Variants in SEMA3D observed in about 807,000 individuals in gnomAD.
SEMA3D encodes the protein semaphorin 3D.
A neutral mutation model predicts 100.1 loss-of-function variants in SEMA3D; 84 were observed. The observed-to-expected ratio is 0.84, with a 90% CI of 0.70 to 1.01. The LOEUF (loss-of-function observed/expected upper bound fraction) is 1.01. Among genes scored for constraint, SEMA3D ranks in the 50% least tolerant of loss-of-function variants. The pLI is 0.00. For synonymous variants in SEMA3D, 312 were observed against 320.7 expected (o/e 0.97, Z 0.29); for missense variants, 875 against 934.1 (o/e 0.94, Z 0.82).
rs773715972 is a variant in SEMA3D, at chr7:85,022,563, T to C, written c.1242A>G (p.Pro414=). 3 of 1,612,590 alleles carry C rather than the reference T, an allele frequency of 1.9e-6. No homozygotes were observed. In the South Asian group the frequency reaches 3.3e-5, roughly 18 times the overall value. ...DPLIKSTRDF[P]DDVISFIKRH... is the part of the protein sequence containing the mutation. ...GCTTTATGAAACTGATGACATCATC[T>C]GGAAAATCTCGGGTGGACTTAATCA... The change falls in exon 13 of 19, where the codon CCA becomes CCG. Residue 414 remains proline, a synonymous_variant. Coordinates refer to ENST00000284136, the MANE Select transcript of SEMA3D (RefSeq NM_001384900.1).
intron 11 of SEMA3D, among the ~76,000 whole-genome samples, chr7:85,040,218 C>CTGGG (rs1188655885): frequency 2.0e-5 from 3 of 151,828 alleles, no homozygotes; most frequent in Non-Finnish European, 4.4e-5. Flanking sequence ...GGGCTCAAGC[C>CTGGG]ATCCTCCCCT....
At chr7:85,014,308 T>C (rs977145209) in intron 16 of SEMA3D, among the ~76,000 whole-genome samples, 1 of 151,864 alleles carries the variant, frequency 6.6e-6, no homozygotes, top group Non-Finnish European at 1.5e-5. Context: ...ATCAACATTT[T>C]AAAATAATTA....
At chr7:85,216,357 T>TTG in the SEMA3D span, among the ~76,000 whole-genome samples, 72,799 of 146,048 alleles carry the variant, frequency 0.5, 18,312 homozygotes, top group East Asian at 0.6. Context: ...AATAAGAGTG[T>TTG]TGTGTGTGTG....
chr7:85,034,090 C>G (rs1790624193), intron 12 of SEMA3D, among the ~76,000 whole-genome samples: 2 of 152,022 alleles, frequency 1.3e-5, no homozygotes, highest in South Asian at 4.2e-4. Context: ...GGGCAAGTTA[C>G]TGTACCTGTC....
intron 18 of SEMA3D, among the ~76,000 whole-genome samples, chr7:85,000,219 T>C (rs1257080842): frequency 1.3e-5 from 2 of 152,152 alleles, no homozygotes; most frequent in African/African-American, 4.8e-5. Flanking sequence ...AGAGATTTCA[T>C]ATACAAATTA....
At chr7:85,203,300 T>G in the SEMA3D span, among the ~76,000 whole-genome samples, 1 of 152,214 alleles carries the variant, frequency 6.6e-6, no homozygotes, top group Non-Finnish European at 1.5e-5. Context: ...TGTTATATGC[T>G]TAGCTGCATG....
At chr7:85,096,178 G>T (rs977339696) in intron 4 of SEMA3D, among the ~76,000 whole-genome samples, 1 of 151,722 alleles carries the variant, frequency 6.6e-6, no homozygotes, top group Non-Finnish European at 1.5e-5. Flanking sequence ...CATAAAACAC[G>T]TCATCCCCTG....
At chr7:85,058,923 A>C (rs1329662002) in intron 8 of SEMA3D, among the ~76,000 whole-genome samples, 1 of 152,158 alleles carries the variant, frequency 6.6e-6, no homozygotes, top group Non-Finnish European at 1.5e-5. Flanking sequence ...AAAAGAATGA[A>C]TAAGAACTGA....
At chr7:85,116,967 A>G (rs908751685) in intron 3 of SEMA3D, among the ~76,000 whole-genome samples, 1 of 152,182 alleles carries the variant, frequency 6.6e-6, no homozygotes, top group African/African-American at 2.4e-5. Context: ...CCCATGCCAC[A>G]GTTCCTTACA....
rs373035599 is a variant in SEMA3D at position 85,117,710 on chromosome 7, C to G, written c.151+4031G>C. Among the ~76,000 whole-genome samples the G allele has an allele frequency of 2.6e-4, 40 of 152,032 alleles. No individual in the cohort carries two copies. In the East Asian group the frequency reaches 2.9e-3, roughly 11 times the overall value. On this transcript the variant is annotated intron_variant, in intron 3 of 18. Transcript: ENST00000284136. The stretch of plus-strand genomic sequence containing the variant: ...ATTACTTGAGCTTAGGAGGCCGAGG[C>G]TGCAGTGATCCAAGATCTTGCCACT...
chr7:85,038,648 C>T (rs192382550), intron 11 of SEMA3D, among the ~76,000 whole-genome samples: 33 of 152,178 alleles, frequency 2.2e-4, no homozygotes, highest in African/African-American at 8.0e-4. Context: ...ATATCCGTGC[C>T]TTGTGTGTGG....
At chr7:85,108,367 G>A (rs10486848) in intron 3 of SEMA3D, among the ~76,000 whole-genome samples, 20,350 of 151,952 alleles carry the variant, frequency 0.13, 1,707 homozygotes, top group Non-Finnish European at 0.2. Context: ...AGAAGTTAAT[G>A]TGCTATTTAG....
At chr7:85,108,410 A>G (rs1300852684) in intron 3 of SEMA3D, among the ~76,000 whole-genome samples, 1 of 152,078 alleles carries the variant, frequency 6.6e-6, no homozygotes, top group Admixed American at 6.6e-5. Flanking sequence ...TGCAGTCACA[A>G]GGGGTTCCTT....
chr7:85,038,623 A>G (rs1790769432), intron 11 of SEMA3D, among the ~76,000 whole-genome samples: 1 of 152,162 alleles, frequency 6.6e-6, no homozygotes, highest in South Asian at 2.1e-4. Context: ...TCTTGGGGCT[A>G]TATTTTCCTG....
At chr7:85,245,742 C>T in the SEMA3D span, among the ~76,000 whole-genome samples, 171 of 152,060 alleles carry the variant, frequency 1.1e-3, 3 homozygotes, top group East Asian at 0.021. Context: ...ACAACAAAAA[C>T]GCTAGTTTAA....
the SEMA3D span, among the ~76,000 whole-genome samples, chr7:85,249,117 G>A: frequency 7.2e-5 from 11 of 152,100 alleles, no homozygotes; most frequent in Admixed American, 6.5e-5. Flanking sequence ...TCTCAACTTT[G>A]CTGTTATCCT....
At chr7:85,052,530 C>T (rs937854421) in intron 9 of SEMA3D, among the ~76,000 whole-genome samples, 4 of 151,922 alleles carry the variant, frequency 2.6e-5, no homozygotes, top group Non-Finnish European at 4.4e-5. Flanking sequence ...ACTGTCACAA[C>T]GCTGCCTGAA....
At chr7:85,016,304 A>C (rs75309671) in intron 15 of SEMA3D, among the ~76,000 whole-genome samples, 1 of 57,506 alleles carries the variant, frequency 1.7e-5, no homozygotes, top group African/African-American at 5.5e-5. Flanking sequence ...TGCTTTATTT[A>C]TTTACCTTTT....
At chr7:85,058,904 TTAAA>T (rs1444784197) in intron 8 of SEMA3D, among the ~76,000 whole-genome samples, 1 of 151,952 alleles carries the variant, frequency 6.6e-6, no homozygotes, top group Non-Finnish European at 1.5e-5. Flanking sequence ...ACTATTTGAA[TTAAA>T]TAATAAAAGA....
Sources: gnomAD v4.1 joint callset for allele counts (sites outside exome capture counted in the v4.1 genomes callset) on GRCh38, gnomAD v4.1.1 for gene constraint, MANE v1.5 for transcripts, NCBI Gene and HGNC (gene_info 2026-07-23, HGNC 2026-07-21) for gene names.